Variants in CA10 observed in about 807,000 individuals in gnomAD.
The protein encoded by CA10 is carbonic anhydrase-related protein 10.
Under a neutral mutation model 44.2 loss-of-function variants are expected in CA10, and 14 were observed. The observed-to-expected ratio is 0.32, with a 90% CI of 0.21 to 0.50. CA10 has a LOEUF of 0.50. CA10 is among the 20% of genes least tolerant of loss of function. CA10 has a pLI of 0.99. For missense variants in CA10, 350 were observed against 409.7 expected, an observed-to-expected ratio of 0.85 and a Z score of 1.26; for synonymous variants, 159 against 141.6, an observed-to-expected ratio of 1.12 and a Z score of -0.87.
chr17:51,980,926 A>C (rs973061298), intron 2 of CA10, among the ~76,000 whole-genome samples: 3 of 152,142 alleles, frequency 2.0e-5, no homozygotes, highest in African/African-American at 7.2e-5. Flanking sequence ...GTGAAAAACT[A>C]TTCAGCATCA....
intron 2 of CA10, among the ~76,000 whole-genome samples, chr17:52,030,123 A>T (rs1021855516): frequency 2.0e-5 from 3 of 152,246 alleles, no homozygotes; most frequent in African/African-American, 7.2e-5. Flanking sequence ...CCAGCTGAGC[A>T]GTAAATCCTG....
intron 4 of CA10, among the ~76,000 whole-genome samples, chr17:51,684,584 C>A (rs991908690): frequency 9.2e-5 from 14 of 152,200 alleles, no homozygotes; most frequent in African/African-American, 3.1e-4. Flanking sequence ...GCTGACACAT[C>A]TGGGGACTAA....
At chr17:51,752,331 A>G (rs1904919685) in intron 3 of CA10, among the ~76,000 whole-genome samples, 1 of 151,694 alleles carries the variant, frequency 6.6e-6, no homozygotes, top group African/African-American at 2.4e-5. Context: ...TGTTGGAAAA[A>G]GTTATATTAT....
chr17:52,053,030 A>G (rs1235609489), intron 2 of CA10, among the ~76,000 whole-genome samples: 1 of 151,968 alleles, frequency 6.6e-6, no homozygotes. Flanking sequence ...AACCAAGGTA[A>G]CTTCAGAACC....
At chr17:51,965,353 A>C (rs150227437) in intron 2 of CA10, among the ~76,000 whole-genome samples, 25 of 151,996 alleles carry the variant, frequency 1.6e-4, no homozygotes, top group Admixed American at 3.3e-4. Flanking sequence ...ATCAAGGAGG[A>C]AGGACTCTTC....
chr17:51,831,617 A>G (rs914640648), intron 3 of CA10, among the ~76,000 whole-genome samples: 1 of 151,706 alleles, frequency 6.6e-6, no homozygotes, highest in African/African-American at 2.4e-5. Flanking sequence ...AAAGGAAAAC[A>G]AAAAAGAGGA....
chr17:51,647,071 G>T (rs991560725), intron 6 of CA10, among the ~76,000 whole-genome samples: 31 of 151,960 alleles, frequency 2.0e-4, no homozygotes, highest in African/African-American at 7.3e-4. Flanking sequence ...AGGAGAGGGT[G>T]CTCCTGCTGT....
At chr17:51,637,617 G>A (rs1009566417) in intron 6 of CA10, among the ~76,000 whole-genome samples, 5 of 152,188 alleles carry the variant, frequency 3.3e-5, no homozygotes, top group African/African-American at 1.2e-4. Flanking sequence ...TTAGTATTGT[G>A]CACATATATG....
intron 3 of CA10, among the ~76,000 whole-genome samples, chr17:51,904,080 C>G (rs1398282741): frequency 6.6e-6 from 1 of 151,400 alleles, no homozygotes; most frequent in Non-Finnish European, 1.5e-5. Context: ...ACAGGGTGAC[C>G]AACCCACCCT....
intron 3 of CA10, among the ~76,000 whole-genome samples, chr17:51,866,604 T>A (rs1979557420): frequency 1.3e-5 from 2 of 152,194 alleles, no homozygotes; most frequent in Admixed American, 1.3e-4. Context: ...TGGACATCAT[T>A]GCTGACCTTC....
intron 2 of CA10, among the ~76,000 whole-genome samples, chr17:51,969,459 T>C (rs772706436): frequency 1.9e-4 from 29 of 152,052 alleles, no homozygotes; most frequent in Middle Eastern, 6.3e-3. Flanking sequence ...ACCACACTGA[T>C]AGTTTTCTTA....
chr17:51,742,158 T>C (rs1904489549), intron 4 of CA10, among the ~76,000 whole-genome samples: 2 of 152,016 alleles, frequency 1.3e-5, no homozygotes, highest in Non-Finnish European at 2.9e-5. Context: ...TGGGAAGCTA[T>C]GATGGGGAAC....
chr17:51,978,425 C>G (rs2144082584), intron 2 of CA10, among the ~76,000 whole-genome samples: 1 of 149,742 alleles, frequency 6.7e-6, no homozygotes, highest in South Asian at 2.1e-4. Context: ...TGTGTGTATG[C>G]AAAGGTACCA....
intron 6 of CA10, among the ~76,000 whole-genome samples, chr17:51,646,398 A>C (rs1724680814): frequency 6.6e-6 from 1 of 152,144 alleles, no homozygotes; most frequent in African/African-American, 2.4e-5. Context: ...GAGCAGAGCA[A>C]ATTGAAGCTA....
intron 3 of CA10, among the ~76,000 whole-genome samples, chr17:51,829,435 T>C (rs1725897846): frequency 6.6e-6 from 1 of 152,176 alleles, no homozygotes; most frequent in Non-Finnish European, 1.5e-5. Flanking sequence ...ATTACCCCTG[T>C]GACATCTTGC....
At position 51,927,209 on chromosome 17, in the gene CA10, T is replaced by C. The variant is rs180849831; in HGVS notation, c.279+3781A>G. Among the ~76,000 whole-genome samples, 408 of 152,294 alleles carry C rather than the reference T, an allele frequency of 2.7e-3. 6 individuals are homozygous for C. Among genetic ancestry groups the C allele is most frequent in the Non-Finnish European group, 1.6e-3 (109 of 68,012 alleles). On this transcript the variant is annotated intron_variant, in intron 3 of 8. Transcript: ENST00000451037. The stretch of plus-strand genomic sequence containing the variant: ...ATAATTATGTTTAGATCCTACCTTT[T>C]ATACCTAACATATGACAGATCCTAC...
chr17:51,759,389 T>C lies in CA10; in HGVS notation c.280-11571A>G, dbSNP rs899879836. 8.8e-5 allele frequency among the ~76,000 whole-genome samples: 12 copies of C among 136,758 alleles called. No homozygotes were observed. The South Asian group carries it at 1.2e-3, about 13-fold the overall frequency. 89.7% of individuals were successfully genotyped at this position (136,758 alleles called of 152,430 possible). A position where few individuals can be genotyped will look rare whatever the true frequency, so the allele number is the denominator to read the frequency against. ...GTGTGTGTGTGTGTGTGTGTGTGTG[T>C]GCTTAAAATATATTTTAATATATCA... is the stretch of plus-strand genomic sequence containing the variant. On this transcript the variant is annotated intron_variant, in intron 3 of 8. Transcript: ENST00000451037.
chr17:51,772,838 T>G (rs1905662119), intron 3 of CA10, among the ~76,000 whole-genome samples: 2 of 152,208 alleles, frequency 1.3e-5, no homozygotes, highest in South Asian at 4.1e-4. Flanking sequence ...AGACTTTTAC[T>G]CTAAAACCCA....
chr17:52,116,213 C>T (rs545113905), intron 1 of CA10, among the ~76,000 whole-genome samples: 1 of 152,180 alleles, frequency 6.6e-6, no homozygotes, highest in Admixed American at 6.5e-5. Context: ...TCTTTTTTCA[C>T]CCTATCAGGA....
Sources: allele counts gnomAD v4.1 joint callset (sites outside exome capture counted in the v4.1 genomes callset), GRCh38; gene constraint gnomAD v4.1.1; transcripts MANE v1.5; gene names NCBI Gene and HGNC (gene_info 2026-07-23, HGNC 2026-07-21).